The following SRSF12 variants were observed in gnomAD, a reference collection of about 807,000 sequenced individuals.
The protein encoded by SRSF12 is serine/arginine-rich splicing factor 12.
Under a neutral mutation model 34.1 loss-of-function variants are expected in SRSF12, and 21 were observed. The ratio of observed to expected loss-of-function variants is 0.62; its 90% CI spans 0.44 to 0.89. The LOEUF is 0.89. Ranked by LOEUF, SRSF12 falls within the 40% of genes least tolerant of loss-of-function variation. The pLI, the probability that SRSF12 is intolerant of heterozygous loss-of-function variation, is 0.00. For synonymous variants in SRSF12, 111 were observed against 110.8 expected, an observed-to-expected ratio of 1.00 and a Z score of -0.01; for missense variants, 278 against 327.8, an observed-to-expected ratio of 0.85 and a Z score of 1.17.
chr6:89,111,482 A>G (rs963302401), intron 1 of SRSF12, among the ~76,000 whole-genome samples: 5 of 152,166 alleles, frequency 3.3e-5, no homozygotes, highest in Non-Finnish European at 5.9e-5. Context: ...ATAGAAATAA[A>G]GTTTTTGTAA....
chr6:89,112,928 T>C (rs1158768873), intron 1 of SRSF12, among the ~76,000 whole-genome samples: 2 of 152,180 alleles, frequency 1.3e-5, no homozygotes, highest in African/African-American at 4.8e-5. Flanking sequence ...GGTAAATGTC[T>C]TAAAATTGCC....
At chr6:89,109,602 C>G (rs763881489) in intron 1 of SRSF12, among the ~76,000 whole-genome samples, 16 of 152,156 alleles carry the variant, frequency 1.1e-4, no homozygotes, top group Non-Finnish European at 8.8e-5. Flanking sequence ...CACTGTGTGC[C>G]ACAGAGGTCT....
At chr6:89,109,187 C>A (rs1768928980) in intron 1 of SRSF12, among the ~76,000 whole-genome samples, 1 of 152,114 alleles carries the variant, frequency 6.6e-6, no homozygotes, top group African/African-American at 2.4e-5. Context: ...GACAGAGGCA[C>A]CCCAACCCGA....
chr6:89,110,097 A>G (rs1768975979), intron 1 of SRSF12, among the ~76,000 whole-genome samples: 3 of 152,192 alleles, frequency 2.0e-5, no homozygotes, highest in Non-Finnish European at 4.4e-5. Flanking sequence ...TCTCAAAAAA[A>G]AAAAATTATT....
chr6:89,104,514 G>A (rs763878238), intron 4 of SRSF12, among the ~76,000 whole-genome samples: 21 of 152,014 alleles, frequency 1.4e-4, no homozygotes, highest in Non-Finnish European at 2.4e-4. Flanking sequence ...GGGATCATAA[G>A]TGTGAGCCAC....
intron 1 of SRSF12, among the ~76,000 whole-genome samples, chr6:89,113,205 C>T (rs989178604): frequency 6.6e-6 from 1 of 152,018 alleles, no homozygotes; most frequent in East Asian, 1.9e-4. Context: ...GACACAATTT[C>T]ACTCTGTCAC....
intron 4 of SRSF12, among the ~76,000 whole-genome samples, chr6:89,101,005 T>C (rs1399596238): frequency 2.0e-5 from 3 of 150,766 alleles, no homozygotes; most frequent in African/African-American, 4.9e-5. Context: ...CTTAGGAGGC[T>C]GAGGCAAGAG....
chr6:89,117,644 T>A lies in SRSF12; in HGVS notation c.65+179A>T, dbSNP rs917677546. ...TGGCCGGGAGGGCGGAGGCGCGAGT[T>A]CCGCCCTGGGCCGCGGAGTAGTCCG... On this transcript the variant is annotated intron_variant, in intron 1 of 4. Transcript: ENST00000452027. Among the ~76,000 whole-genome samples the A allele has an allele frequency of 2.6e-5, 4 of 151,456 alleles. No individual in the cohort carries two copies. In the South Asian group the frequency reaches 8.3e-4, roughly 32 times the overall value.
chr6:89,104,985 G>A, intron 4 of SRSF12, 134 bp downstream of exon 4: 1 of 828,416 alleles, frequency 1.2e-6, no homozygotes, highest in Non-Finnish European at 1.7e-6. Context: ...GAGTCTAGGA[G>A]GTCAAGTCTA....
intron 1 of SRSF12, among the ~76,000 whole-genome samples, chr6:89,109,314 G>T (rs1223139303): frequency 6.6e-6 from 1 of 152,212 alleles, no homozygotes; most frequent in South Asian, 2.1e-4. Flanking sequence ...GCTAAAGCAG[G>T]TGTCTTCACC....
chr6:89,105,211 A>T lies in SRSF12; in HGVS notation c.324T>A (p.Asp108Glu). ...SKERHPCSPS[D>E]HRRSRSPSQR... ...GGCTGGGGCTTCTTGATCTCCTGTG[A>T]TCACTTGGAGAACAAGGATGACGTT... Residue 108 changes from aspartate to glutamate, a missense_variant, in exon 4 of 5, where the codon GAT becomes GAA. Asp to Glu is a conservative substitution (Grantham distance 45). Coordinates refer to ENST00000452027, the MANE Select transcript of SRSF12 (RefSeq NM_080743.5). 6.2e-7 allele frequency: 1 copy of T among 1,612,342 alleles called. No homozygotes were observed. Among genetic ancestry groups the T allele is most frequent in the Non-Finnish European group, 8.5e-7 (1 of 1,178,964 alleles).
At chr6:89,115,784 C>T (rs1473401929) in intron 1 of SRSF12, among the ~76,000 whole-genome samples, 2 of 144,598 alleles carry the variant, frequency 1.4e-5, no homozygotes, top group Non-Finnish European at 3.0e-5. Context: ...CTACAGGCAC[C>T]CGCCACCACG....
intron 1 of SRSF12, among the ~76,000 whole-genome samples, chr6:89,114,383 G>C (rs1270638624): frequency 6.6e-6 from 1 of 152,174 alleles, no homozygotes; most frequent in Non-Finnish European, 1.5e-5. Context: ...AGCCGAGATC[G>C]TGCCACTGCA....
Position 89,117,617 on chromosome 6 carries a change from G to A in SRSF12, c.65+206C>T, listed in dbSNP as rs961594822. Among the ~76,000 whole-genome samples, 9 of 152,170 alleles carry A rather than the reference G, an allele frequency of 5.9e-5. No individual in the cohort carries two copies. In the East Asian group the frequency reaches 1.6e-3, roughly 26 times the overall value. ...GATGTGCGCGGCGCCGGGGCTGAAA[G>A]CTGGCCGGGAGGGCGGAGGCGCGAG... is the stretch of plus-strand genomic sequence containing the variant. On this transcript the variant is annotated intron_variant, in intron 1 of 4. Transcript: ENST00000452027.
chr6:89,112,204 C>G (rs1349992756), intron 1 of SRSF12, among the ~76,000 whole-genome samples: 3 of 151,992 alleles, frequency 2.0e-5, no homozygotes. Context: ...GCATGAGCCA[C>G]CTCTCCCGGC....
chr6:89,111,037 A>G (rs943599074), intron 1 of SRSF12, among the ~76,000 whole-genome samples: 5 of 152,062 alleles, frequency 3.3e-5, no homozygotes, highest in African/African-American at 1.2e-4. Flanking sequence ...ACTTGAGCCC[A>G]GGAGTTTGAG....
At chr6:89,104,222 CCTTTT>C (rs1419210602) in intron 4 of SRSF12, among the ~76,000 whole-genome samples, 2 of 77,686 alleles carry the variant, frequency 2.6e-5, no homozygotes, top group Non-Finnish European at 2.7e-5. Flanking sequence ...AAACTCATCA[CCTTTT>C]TTTTTTTTTT....
At chr6:89,102,111 G>A (rs1296578793) in intron 4 of SRSF12, among the ~76,000 whole-genome samples, 1 of 151,728 alleles carries the variant, frequency 6.6e-6, no homozygotes, top group Non-Finnish European at 1.5e-5. Flanking sequence ...TTTGGAGAAT[G>A]ATAACACCAT....
chr6:89,105,387 T>C, intron 3 of SRSF12, 40 bp downstream of exon 3: 2 of 1,568,442 alleles, frequency 1.3e-6, no homozygotes, highest in Non-Finnish European at 1.7e-6. Context: ...TGAAACTCAT[T>C]CTGCTGAATA....
Sources: allele counts gnomAD v4.1 joint callset (sites outside exome capture counted in the v4.1 genomes callset), GRCh38; gene constraint gnomAD v4.1.1; transcripts MANE v1.5; gene names NCBI Gene and HGNC (gene_info 2026-07-23, HGNC 2026-07-21).